DENND2A: variants seen among roughly 807,000 people sequenced by gnomAD.
The protein encoded by DENND2A is DENN domain containing 2A, also known as DENN domain-containing protein 2A.
Under a neutral mutation model 105.3 loss-of-function variants are expected in DENND2A, and 53 were observed. The observed-to-expected ratio is 0.50, with a 90% CI of 0.40 to 0.63. The LOEUF (loss-of-function observed/expected upper bound fraction) is 0.63. Ranked by LOEUF, DENND2A falls within the 30% of genes least tolerant of loss-of-function variation. DENND2A has a pLI of 0.00. For synonymous variants in DENND2A, 522 were observed against 508.4 expected (o/e 1.03, Z -0.36); for missense variants, 1,138 against 1,279.6 (o/e 0.89, Z 1.69).
rs1303447265 is a variant in DENND2A, at chr7:140,527,498, G to A, written c.2328-3C>T. The A allele has an allele frequency of 4.4e-6, 7 of 1,593,642 alleles. No homozygotes were observed. The East Asian group carries it at 1.4e-4, about 31-fold the overall frequency. On this transcript the variant is annotated splice_polypyrimidine_tract_variant and splice_region_variant and intron_variant, in intron 14 of 19. Transcript: ENST00000496613. The surrounding 1 kb of genome is among the most constrained non-coding windows in gnomAD (Gnocchi z 4.9). The stretch of plus-strand genomic sequence containing the variant: ...CGTGGCAGCACTTGGACAGGATGCT[G>A]CAGCCGGGGAGAGAACAGGGAGAGA...
Position 140,601,834 on chromosome 7 carries a change from T to A in DENND2A, c.564A>T (p.Pro188=), listed in dbSNP as rs1294598847. 2 of 1,614,142 alleles carry A rather than the reference T, an allele frequency of 1.2e-6. No individual in the cohort carries two copies. Among genetic ancestry groups the A allele is most frequent in the Admixed American group, 1.7e-5 (1 of 60,022 alleles). ...DPQLPGTCYS[P]HCPPDKAEAG... is the part of the protein sequence containing the mutation. The stretch of plus-strand genomic sequence containing the variant: ...CCTCTGCCTTGTCAGGAGGGCAGTG[T>A]GGGGAGTAACAAGTCCCTGGTAACT... The change falls in exon 3 of 20, where the codon CCA becomes CCT. Residue 188 remains proline, a synonymous_variant. Coordinates refer to ENST00000496613, the MANE Select transcript of DENND2A (RefSeq NM_015689.5).
At chr7:140,582,178 T>G (rs1323847609) in intron 5 of DENND2A, among the ~76,000 whole-genome samples, 2 of 152,136 alleles carry the variant, frequency 1.3e-5, no homozygotes, top group African/African-American at 2.4e-5. Context: ...TTGGCCAGGC[T>G]GGTCTCAAAC....
chr7:140,599,776 T>A (rs1434364524), intron 3 of DENND2A, among the ~76,000 whole-genome samples: 7 of 152,118 alleles, frequency 4.6e-5, no homozygotes, highest in African/African-American at 1.7e-4. Context: ...TATGCTATTA[T>A]GCTATTTACA....
At position 140,518,587 on chromosome 7, in the gene DENND2A, A is replaced by G; in HGVS notation, c.*120T>C. On this transcript the variant is annotated 3_prime_UTR_variant, in exon 20 of 20. Transcript: ENST00000496613. The stretch of plus-strand genomic sequence containing the variant: ...AAGAGCCCAGCCTCGGCCAGAAGCC[A>G]CCGCGGCCTCCAGTTCCGCACCGTG... The G allele has an allele frequency of 4.8e-6, 3 of 627,586 alleles. 1 individual carries two copies. Among genetic ancestry groups the G allele is most frequent in the Non-Finnish European group, 8.0e-6 (3 of 373,046 alleles). The allele number at this position is 627,586 out of a possible 1,614,324, so 38.9% of individuals were successfully genotyped here. A position where few individuals can be genotyped will look rare whatever the true frequency, so the allele number is the denominator to read the frequency against.
At chr7:140,610,346 T>A (rs1352743151) in intron 1 of DENND2A, among the ~76,000 whole-genome samples, 1 of 151,636 alleles carries the variant, frequency 6.6e-6, no homozygotes, top group African/African-American at 2.4e-5. Flanking sequence ...TTAATCCTGT[T>A]GGGTACTGCG....
intron 9 of DENND2A, among the ~76,000 whole-genome samples, chr7:140,561,498 CTTTTT>C (rs536896244): frequency 2.0e-5 from 2 of 102,516 alleles, no homozygotes; most frequent in Non-Finnish European, 1.9e-5. Context: ...TTTCTGTTGT[CTTTTT>C]TTTTTTTTTT....
chr7:140,559,251 G>C lies in DENND2A; in HGVS notation c.1889+457C>G, dbSNP rs574630406. On this transcript the variant is annotated intron_variant, in intron 10 of 19. Coordinates refer to ENST00000496613, the MANE Select transcript of DENND2A (RefSeq NM_015689.5). The surrounding 1 kb of genome is among the most constrained non-coding windows in gnomAD (Gnocchi z 4.1). ...CTGCTGAGCCACCCTCAAGGAACGC[G>C]GTACCCCTTAAAGACAGGACCCGCA... is the stretch of plus-strand genomic sequence containing the variant. Among the ~76,000 whole-genome samples, 50 of 152,258 alleles carry C rather than the reference G, an allele frequency of 3.3e-4. No individual in the cohort carries two copies. The highest frequency in any genetic ancestry group is 1.0e-3 in the African/African-American group (42 of 41,554).
intron 1 of DENND2A, among the ~76,000 whole-genome samples, chr7:140,606,197 C>T (rs1396685427): frequency 2.0e-5 from 3 of 148,870 alleles, no homozygotes; most frequent in Non-Finnish European, 4.4e-5. Flanking sequence ...TGCACCACCA[C>T]CCCGGCTAAT....
chr7:140,587,898 C>T (rs1158717064), intron 3 of DENND2A, 118 bp from the exon 4 acceptor site: 6 of 1,116,384 alleles, frequency 5.4e-6, no homozygotes, highest in Non-Finnish European at 5.9e-6. Context: ...AAATTGTTAC[C>T]GAAATCAACT....
At chr7:140,618,699 C>T (rs1236370787) in intron 1 of DENND2A, among the ~76,000 whole-genome samples, 1 of 152,196 alleles carries the variant, frequency 6.6e-6, no homozygotes, top group East Asian at 1.9e-4. Flanking sequence ...TATACTTCTA[C>T]ACCATACCAC....
chr7:140,553,708 C>T (rs1435843616), intron 12 of DENND2A, among the ~76,000 whole-genome samples: 2 of 152,222 alleles, frequency 1.3e-5, no homozygotes, highest in Non-Finnish European at 2.9e-5. Flanking sequence ...TCTTAACGAG[C>T]ATGCTGCCTT....
intron 1 of DENND2A, among the ~76,000 whole-genome samples, chr7:140,617,841 C>A (rs142935736): frequency 1.3e-5 from 2 of 152,188 alleles, no homozygotes; most frequent in African/African-American, 4.8e-5. Flanking sequence ...CACTGTGTGA[C>A]GTGCCGGATG....
rs536297525 is a variant in DENND2A, at chr7:140,526,769, G to A, written c.2505+549C>T. ...ACAGGCGTTCCTCCTGGAGCTTCAG[G>A]GCTGAGCAACATTATTTAAGCTTCC... On this transcript the variant is annotated intron_variant, in intron 15 of 19. Transcript: ENST00000496613. Among the ~76,000 whole-genome samples the A allele has an allele frequency of 4.6e-5, 7 of 152,262 alleles. No homozygotes were observed. In the East Asian group the frequency reaches 1.4e-3, roughly 29 times the overall value.
At position 140,620,613 on chromosome 7, in the gene DENND2A, T is replaced by C. The variant is rs6959541; in HGVS notation, c.-247-14807A>G. On this transcript the variant is annotated intron_variant, in intron 1 of 19. Transcript: ENST00000496613. ...TATAAACGCTGCTGTTGTCTGTGGG[T>C]GTCTGGGTCTGCCCTGCGGTGCCCA... Among the ~76,000 whole-genome samples, 256 of 152,292 alleles carry C rather than the reference T, an allele frequency of 1.7e-3. 1 individual carries two copies. Among genetic ancestry groups the C allele is most frequent in the African/African-American group, 5.9e-3 (245 of 41,564 alleles).
At chr7:140,560,259 T>C (rs146780895) in intron 9 of DENND2A, among the ~76,000 whole-genome samples, 13 of 152,144 alleles carry the variant, frequency 8.5e-5, no homozygotes, top group African/African-American at 1.2e-4. Flanking sequence ...AGTAAAACCA[T>C]ATTATGCTGG....
intron 9 of DENND2A, among the ~76,000 whole-genome samples, chr7:140,565,827 A>C (rs1797813512): frequency 6.6e-6 from 1 of 152,138 alleles, no homozygotes; most frequent in Non-Finnish European, 1.5e-5. Context: ...TGCAGTAAAG[A>C]AGCCGGCCAA....
intron 12 of DENND2A, among the ~76,000 whole-genome samples, chr7:140,549,627 A>C (rs1449379771): frequency 6.6e-6 from 1 of 152,236 alleles, no homozygotes; most frequent in African/African-American, 2.4e-5. Flanking sequence ...AAATAAAATA[A>C]TATTTTGTAC....
chr7:140,632,686 A>G (rs269258), intron 1 of DENND2A, among the ~76,000 whole-genome samples: 31,358 of 151,240 alleles, frequency 0.21, 6,151 homozygotes, highest in African/African-American at 0.52. Context: ...CACCTGCCTC[A>G]GCCTCCTGAG....
In DENND2A at chr7:140,527,053, G is replaced by A. The variant is rs1054737419; in HGVS notation, c.2505+265C>T. Among the ~76,000 whole-genome samples, 1 of 152,182 alleles carries A rather than the reference G, an allele frequency of 6.6e-6. No individual in the cohort carries two copies. The highest frequency in any genetic ancestry group is 6.5e-5 in the Admixed American group (1 of 15,270). ...TAATGACTTAAGAGTTTTGACATCT[G>A]GCTAAATTGTTCATTGCTGACCTTC... On this transcript the variant is annotated intron_variant, in intron 15 of 19. Transcript: ENST00000496613. The surrounding 1 kb of genome is among the most constrained non-coding windows in gnomAD (Gnocchi z 4.9).
Sources: allele counts gnomAD v4.1 joint callset (sites outside exome capture counted in the v4.1 genomes callset), GRCh38; gene constraint gnomAD v4.1.1; non-coding constraint Gnocchi (gnomAD v3.1); transcripts MANE v1.5; gene names NCBI Gene and HGNC (gene_info 2026-07-23, HGNC 2026-07-21).